The following ARHGEF4 variants were observed in gnomAD, a reference collection of about 807,000 sequenced individuals.
ARHGEF4 encodes the protein Rho guanine nucleotide exchange factor 4, also known as APC-stimulated guanine nucleotide exchange factor 1.
A neutral mutation model predicts 162.0 loss-of-function variants in ARHGEF4; 119 were observed. The observed-to-expected ratio is 0.73, with a 90% CI of 0.63 to 0.86. ARHGEF4 has a LOEUF of 0.86. Among genes scored for constraint, ARHGEF4 ranks in the 40% least tolerant of loss-of-function variants. ARHGEF4 has a pLI of 0.00. For missense variants in ARHGEF4, 2,488 were observed against 2,456.0 expected (o/e 1.01, Z -0.28); for synonymous variants, 1,014 against 979.9 (o/e 1.03, Z -0.65).
chr2:130,923,643 C>T (rs536173723), intron 2 of ARHGEF4, among the ~76,000 whole-genome samples: 2 of 152,110 alleles, frequency 1.3e-5, no homozygotes, highest in African/African-American at 2.4e-5. Flanking sequence ...AATTAGTGAG[C>T]GAGTAAGATC....
intron 1 of ARHGEF4, among the ~76,000 whole-genome samples, chr2:130,912,386 T>A (rs1681240387): frequency 6.6e-6 from 1 of 152,178 alleles, no homozygotes; most frequent in Non-Finnish European, 1.5e-5. Context: ...AATGGTTTGG[T>A]TTTTAATGTT....
chr2:130,836,947 G>A lies in ARHGEF4; in HGVS notation c.-7G>A, dbSNP rs1469492935. The A allele has an allele frequency of 1.3e-5, 16 of 1,225,674 alleles. No homozygotes were observed. Among genetic ancestry groups the A allele is most frequent in the Non-Finnish European group, 1.6e-5 (16 of 984,074 alleles). The allele number at this position is 1,225,674 out of a possible 1,614,324, so 75.9% of individuals were successfully genotyped here. A position where few individuals can be genotyped will look rare whatever the true frequency, so the allele number is the denominator to read the frequency against. ...GCGGCCGGGCTCCGGGCGTCCCGGC[G>A]GCCACCATGCTCAGCGTCGTGCACT... On this transcript the variant is annotated 5_prime_UTR_variant, in exon 1 of 14. Coordinates refer to ENST00000409359, the MANE Select transcript of ARHGEF4 (RefSeq NM_001367493.1).
At chr2:130,957,597 C>G (rs1684365444) in intron 4 of ARHGEF4, among the ~76,000 whole-genome samples, 1 of 152,088 alleles carries the variant, frequency 6.6e-6, no homozygotes, top group South Asian at 2.1e-4. Flanking sequence ...CACTCGTGGG[C>G]TGGATGTTTG....
intron 4 of ARHGEF4, among the ~76,000 whole-genome samples, chr2:130,988,957 A>T (rs574445905): frequency 7.4e-5 from 11 of 147,796 alleles, no homozygotes; most frequent in Non-Finnish European, 1.5e-4. Flanking sequence ...AAATATAATT[A>T]TTTTCTTTTT....
At chr2:130,868,161 G>A (rs891291939) in intron 1 of ARHGEF4, among the ~76,000 whole-genome samples, 8 of 151,938 alleles carry the variant, frequency 5.3e-5, no homozygotes, top group African/African-American at 1.2e-4. Flanking sequence ...TCCCGACGTC[G>A]TGATCCGCCC....
chr2:130,902,188 T>C (rs1680522534), intron 1 of ARHGEF4, among the ~76,000 whole-genome samples: 1 of 152,180 alleles, frequency 6.6e-6, no homozygotes, highest in South Asian at 2.1e-4. Flanking sequence ...TAAATTAAAA[T>C]TCTGTGGGTA....
At chr2:130,993,979 C>G (rs1256752898) in intron 4 of ARHGEF4, among the ~76,000 whole-genome samples, 1 of 152,114 alleles carries the variant, frequency 6.6e-6, no homozygotes, top group Admixed American at 6.6e-5. Context: ...GGGGTTTCAC[C>G]ATGTTGGCCA....
rs557391369 is a variant in ARHGEF4, at chr2:130,890,243, C to T, written c.40-23743C>T. Among the ~76,000 whole-genome samples, 15 of 152,270 alleles carry T rather than the reference C, an allele frequency of 9.9e-5. No homozygotes were observed. In the East Asian group the frequency reaches 2.7e-3, roughly 27 times the overall value. ...ATATTAAACCATCTCACTTTATATCCTTCCTGTCTCTTCTCTTACACAATT... is the reference window on the plus strand; with the variant it reads ...ATATTAAACCATCTCACTTTATATCTTTCCTGTCTCTTCTCTTACACAATT... On this transcript the variant is annotated intron_variant, in intron 1 of 13. Coordinates refer to ENST00000409359, the MANE Select transcript of ARHGEF4 (RefSeq NM_001367493.1).
intron 1 of ARHGEF4, among the ~76,000 whole-genome samples, chr2:130,893,098 C>T (rs1679953242): frequency 6.6e-6 from 1 of 152,236 alleles, no homozygotes; most frequent in Non-Finnish European, 1.5e-5. Flanking sequence ...TCTCACCTTT[C>T]CTGGTCATTC....
chr2:130,985,363 C>A (rs1337252290), intron 4 of ARHGEF4, among the ~76,000 whole-genome samples: 1 of 152,158 alleles, frequency 6.6e-6, no homozygotes, highest in Non-Finnish European at 1.5e-5. Context: ...GGTGTAGGTT[C>A]TGCTGCTCAC....
intron 4 of ARHGEF4, among the ~76,000 whole-genome samples, chr2:130,995,529 C>G (rs975978113): frequency 6.6e-6 from 1 of 152,146 alleles, no homozygotes; most frequent in South Asian, 2.1e-4. Flanking sequence ...CATGTTGCCT[C>G]TCCTCCACAT....
intron 1 of ARHGEF4, among the ~76,000 whole-genome samples, chr2:130,848,487 A>G (rs1327705186): frequency 2.0e-5 from 3 of 152,154 alleles, no homozygotes; most frequent in African/African-American, 4.8e-5. Context: ...TGAGAATTCA[A>G]CGAAGGCTCT....
chr2:130,913,287 A>G (rs944123340), intron 1 of ARHGEF4, among the ~76,000 whole-genome samples: 11 of 152,226 alleles, frequency 7.2e-5, no homozygotes, highest in Non-Finnish European at 1.3e-4. Context: ...TCATGGTGGT[A>G]GTTACAGGAA....
At chr2:131,031,724 T>C (rs570382025) in intron 5 of ARHGEF4, among the ~76,000 whole-genome samples, 29 of 152,328 alleles carry the variant, frequency 1.9e-4, no homozygotes, top group African/African-American at 7.0e-4. Flanking sequence ...ACTCTCTTCT[T>C]CCAGCACTGG....
intron 4 of ARHGEF4, among the ~76,000 whole-genome samples, chr2:130,956,442 C>A (rs1217379594): frequency 6.6e-6 from 1 of 151,826 alleles, no homozygotes; most frequent in Non-Finnish European, 1.5e-5. Context: ...ACTAGAAATA[C>A]CATTTGACCC....
At chr2:130,849,926 T>G (rs1486301983) in intron 1 of ARHGEF4, among the ~76,000 whole-genome samples, 4 of 152,228 alleles carry the variant, frequency 2.6e-5, no homozygotes, top group Admixed American at 6.5e-5. Flanking sequence ...TTGTAATTGA[T>G]GTGTACATTT....
chr2:130,998,349 G>T (rs1361774516), intron 4 of ARHGEF4, among the ~76,000 whole-genome samples: 1 of 152,048 alleles, frequency 6.6e-6, no homozygotes, highest in Non-Finnish European at 1.5e-5. Flanking sequence ...CTGGTGTGTT[G>T]GTTAGGGTTC....
intron 5 of ARHGEF4, among the ~76,000 whole-genome samples, chr2:131,030,715 G>A (rs1689794255): frequency 6.6e-6 from 1 of 152,220 alleles, no homozygotes; most frequent in African/African-American, 2.4e-5. Context: ...GGGCTTGGAG[G>A]CCTCTCTGGG....
At chr2:130,991,226 CA>C (rs1686932484) in intron 4 of ARHGEF4, among the ~76,000 whole-genome samples, 1 of 152,220 alleles carries the variant, frequency 6.6e-6, no homozygotes, top group Non-Finnish European at 1.5e-5. Flanking sequence ...GATGACCCAC[CA>C]AAGGATACTA....
Sources: gnomAD v4.1 joint callset for allele counts (sites outside exome capture counted in the v4.1 genomes callset) on GRCh38, gnomAD v4.1.1 for gene constraint, MANE v1.5 for transcripts, NCBI Gene and HGNC (gene_info 2026-07-23, HGNC 2026-07-21) for gene names.